MRTFB: variants seen among roughly 807,000 people sequenced by gnomAD.
The protein encoded by MRTFB is myocardin-related transcription factor B.
In MRTFB, 29 loss-of-function variants were observed where a neutral mutation model predicts 104.2. That is an observed-to-expected ratio of 0.28 (90% CI 0.21 to 0.38). The LOEUF (loss-of-function observed/expected upper bound fraction) is 0.38. MRTFB is among the 10% of genes least tolerant of loss of function. MRTFB has a pLI of 1.00. For missense variants in MRTFB, 1,270 were observed against 1,341.6 expected (o/e 0.95, Z 0.83); for synonymous variants, 535 against 519.5 (o/e 1.03, Z -0.41).
chr16:14,141,619 A>G (rs903038791), intron 3 of MRTFB: 4 of 152,116 alleles, frequency 2.6e-5, no homozygotes, highest in Non-Finnish European at 5.9e-5. Context: ...CTCATTATGT[A>G]CCTTGTCACT....
At chr16:14,085,648 C>T (rs1165341797) in intron 2 of MRTFB, among the ~76,000 whole-genome samples, 1 of 151,310 alleles carries the variant, frequency 6.6e-6, no homozygotes, top group Non-Finnish European at 1.5e-5. Context: ...TAATATAATA[C>T]CTGGCATGCA....
At chr16:14,068,999 C>G (rs1461542416), upstream of MRTFB, among the ~76,000 whole-genome samples, 1 of 109,324 alleles carries the variant, frequency 9.1e-6, no homozygotes, top group East Asian at 3.1e-4. Flanking sequence ...TTGAGACAGT[C>G]TCACTTGATG....
chr16:14,030,508 C>T, the MRTFB span, among the ~76,000 whole-genome samples: 1 of 152,148 alleles, frequency 6.6e-6, no homozygotes, highest in African/African-American at 2.4e-5. Flanking sequence ...TGAAATAAGA[C>T]ATGCAATATA....
rs774266131 is a variant in MRTFB at position 14,234,197 on chromosome 16, G to C, written c.745G>C (p.Ala249Pro). 1 of 1,614,066 alleles carries C rather than the reference G, an allele frequency of 6.2e-7. No homozygotes were observed. Among genetic ancestry groups the C allele is most frequent in the East Asian group, 2.2e-5 (1 of 44,870 alleles). ...TGAATTCTTGAAAACTCCTCCAACTGCAGATCAGCCTCCCCCACGGCCTGC... is the reference window on the plus strand; with the variant it reads ...TGAATTCTTGAAAACTCCTCCAACTCCAGATCAGCCTCCCCCACGGCCTGC... ...VPEFLKTPPT[A>P]DQPPPRPAAP... is the part of the protein sequence containing the mutation. The change falls in exon 9 of 17, where the codon GCA (alanine) becomes CCA (proline). Residue 249 changes from alanine to proline, a missense_variant. Ala to Pro is a conservative substitution (Grantham distance 27). Transcript: ENST00000571589.
At chr16:14,197,832 T>C (rs927225413) in intron 3 of MRTFB, among the ~76,000 whole-genome samples, 2 of 152,310 alleles carry the variant, frequency 1.3e-5, no homozygotes, top group South Asian at 2.1e-4. Context: ...AATGGAATTA[T>C]GGTGGTGAGA....
chr16:14,231,172 C>T lies in MRTFB; in HGVS notation c.694-2974C>T, dbSNP rs906546398. ...GGGGGAGGGATAGCATTAGGAGATA[C>T]ACCTAATGCTAAATGACGAGTTAAT... On this transcript the variant is annotated intron_variant, in intron 8 of 16. Transcript: ENST00000571589. Among the ~76,000 whole-genome samples the T allele has an allele frequency of 8.6e-5, 13 of 151,670 alleles. No individual in the cohort carries two copies. In the East Asian group the frequency reaches 1.2e-3, roughly 14 times the overall value.
At chr16:14,056,752 ATATC>A in the MRTFB span, among the ~76,000 whole-genome samples, 4 of 152,054 alleles carry the variant, frequency 2.6e-5, no homozygotes, top group Non-Finnish European at 5.9e-5. Flanking sequence ...ATGCATGGAT[ATATC>A]TATCTATCTA....
the MRTFB span, among the ~76,000 whole-genome samples, chr16:14,029,405 TAA>T: frequency 0.023 from 2,004 of 86,956 alleles, 33 homozygotes; most frequent in African/African-American, 0.03. Flanking sequence ...GACTCTGTCT[TAA>T]AAAAAAAAAA....
intron 2 of MRTFB, among the ~76,000 whole-genome samples, chr16:14,094,265 A>G (rs183762187): frequency 1.8e-4 from 27 of 152,314 alleles, no homozygotes; most frequent in Middle Eastern, 6.8e-3. Context: ...ATATAACTCA[A>G]AAAGGAGCAT....
chr16:14,255,040 T>G (rs903397028), intron 15 of MRTFB, among the ~76,000 whole-genome samples: 1 of 152,072 alleles, frequency 6.6e-6, no homozygotes, highest in African/African-American at 2.4e-5. Context: ...AATATATAGA[T>G]GAACTTACCA....
In MRTFB at chr16:14,261,362, T is replaced by C; in HGVS notation, c.3218T>C (p.Leu1073Pro). 6.2e-7 allele frequency: 1 copy of C among 1,614,200 alleles called. No homozygotes were observed. The highest frequency in any genetic ancestry group is 8.5e-7 in the Non-Finnish European group (1 of 1,180,028). Residue 1073 changes from leucine to proline, a missense_variant, in exon 17 of 17, where the codon CTC becomes CCC. By Grantham distance (98) the Leu-to-Pro change is moderately conservative. Around this residue, in one of 3 missense-constraint regions of MRTFB, gnomAD observed 1,144 missense variants for 1,131.5 expected, o/e 1.01. Coordinates refer to ENST00000571589, the MANE Select transcript of MRTFB (RefSeq NM_001308142.2). ...DITMPNSSSGLTPLSTTAPSM... is the reference protein window; with the variant it reads ...DITMPNSSSGPTPLSTTAPSM... ...ACCATGCCCAACTCCTCTTCAGGACTCACTCCTCTCAGCACCACCGCGCCG... is the reference window on the plus strand; with the variant it reads ...ACCATGCCCAACTCCTCTTCAGGACCCACTCCTCTCAGCACCACCGCGCCG...
In MRTFB at chr16:14,246,939, T is replaced by C. The variant is rs1441555587; in HGVS notation, c.1679T>C (p.Leu560Pro). Reference sequence around the variant, plus strand: ...AGTCTGAGTCCCACCAGCAGCACTCTGTCAAACCTGGAACTGGATGCAGCC... The same window carrying C: ...AGTCTGAGTCCCACCAGCAGCACTCCGTCAAACCTGGAACTGGATGCAGCC... ...EDSLSPTSST[L>P]SNLELDAAEK... The change falls in exon 12 of 17, where the codon CTG (leucine) becomes CCG (proline). Residue 560 changes from leucine to proline, a missense_variant. Physicochemically the swap from Leu to Pro is moderately conservative, Grantham distance 98. Transcript: ENST00000571589. 13 of 1,614,070 alleles carry C rather than the reference T, an allele frequency of 8.1e-6. No homozygotes were observed. The highest frequency in any genetic ancestry group is 1.6e-4 in the Middle Eastern group (1 of 6,062).
At chr16:14,067,318 G>C (rs1352700546), upstream of MRTFB, among the ~76,000 whole-genome samples, 1 of 151,446 alleles carries the variant, frequency 6.6e-6, no homozygotes, top group Non-Finnish European at 1.5e-5. Context: ...TGCCTCCTGG[G>C]TTCAAGTGAT....
chr16:14,005,334 A>G, the MRTFB span, among the ~76,000 whole-genome samples: 1 of 152,168 alleles, frequency 6.6e-6, no homozygotes, highest in African/African-American at 2.4e-5. Flanking sequence ...GGGAGTACTG[A>G]TTGATGGCCG....
the MRTFB span, among the ~76,000 whole-genome samples, chr16:14,053,433 T>A: frequency 1.3e-5 from 2 of 151,984 alleles, no homozygotes; most frequent in African/African-American, 4.8e-5. Context: ...ACAAAAAAAA[T>A]ATTTTTTTAA....
At chr16:14,258,242 A>ATGAGT in intron 16 of MRTFB, 81 bp downstream of exon 16, 2 of 1,075,182 alleles carry the variant, frequency 1.9e-6, no homozygotes, top group Non-Finnish European at 2.8e-6. Flanking sequence ...AAGCACTCAT[A>ATGAGT]GCTTATCTTT....
At chr16:14,229,790 T>C (rs1485642486) in intron 8 of MRTFB, among the ~76,000 whole-genome samples, 1 of 152,176 alleles carries the variant, frequency 6.6e-6, no homozygotes, top group Non-Finnish European at 1.5e-5. Context: ...AAAACCATCT[T>C]TCTGACATTT....
chr16:14,058,723 T>G, the MRTFB span, among the ~76,000 whole-genome samples: 2 of 139,460 alleles, frequency 1.4e-5, no homozygotes, highest in African/African-American at 5.2e-5. Flanking sequence ...TTTTTTTTTT[T>G]TTTTTTTTTT....
intron 2 of MRTFB, among the ~76,000 whole-genome samples, chr16:14,116,122 C>G (rs1429871737): frequency 6.6e-6 from 1 of 152,204 alleles, no homozygotes; most frequent in Non-Finnish European, 1.5e-5. Flanking sequence ...TCATTATGAT[C>G]TGGGCCCATT....
Sources: gnomAD v4.1 joint callset for allele counts (sites outside exome capture counted in the v4.1 genomes callset) on GRCh38, gnomAD v4.1.1 for gene constraint, gnomAD v4.1.1 regional missense constraint, MANE v1.5 for transcripts, NCBI Gene and HGNC (gene_info 2026-07-23, HGNC 2026-07-21) for gene names.